Variants in BMP2K observed in about 807,000 individuals in gnomAD.
BMP2K encodes BMP-2-inducible protein kinase.
A neutral mutation model predicts 116.0 loss-of-function variants in BMP2K; 74 were observed. The ratio of observed to expected loss-of-function variants is 0.64; its 90% CI spans 0.53 to 0.77. The LOEUF is 0.77. BMP2K is among the 30% of genes least tolerant of loss of function. The pLI, the probability that BMP2K is intolerant of heterozygous loss-of-function variation, is 0.00. For missense variants in BMP2K, 1,365 were observed against 1,403.6 expected (o/e 0.97, Z 0.44); for synonymous variants, 486 against 502.5 (o/e 0.97, Z 0.44).
At chr4:78,779,287 T>A (rs1372041895) in intron 1 of BMP2K, among the ~76,000 whole-genome samples, 3 of 152,208 alleles carry the variant, frequency 2.0e-5, no homozygotes, top group African/African-American at 7.2e-5. Context: ...ATTTGGTTGA[T>A]TTATTAACAT....
chr4:78,808,021 C>T (rs1578484025), intron 1 of BMP2K, among the ~76,000 whole-genome samples: 2 of 151,424 alleles, frequency 1.3e-5, no homozygotes, highest in South Asian at 4.2e-4. Context: ...CTTTCTTCTT[C>T]TTTGGGAATA....
chr4:78,896,427 C>T (rs1733704760), intron 15 of BMP2K, among the ~76,000 whole-genome samples: 1 of 151,858 alleles, frequency 6.6e-6, no homozygotes, highest in Non-Finnish European at 1.5e-5. Context: ...AGCATTTGAC[C>T]CAGGCAAATC....
intron 14 of BMP2K, among the ~76,000 whole-genome samples, chr4:78,882,362 T>C (rs2110070037): frequency 6.6e-6 from 1 of 151,794 alleles, no homozygotes; most frequent in African/African-American, 2.4e-5. Context: ...CAGAATTGTT[T>C]TACCTGTTCT....
intron 1 of BMP2K, among the ~76,000 whole-genome samples, chr4:78,781,093 A>G (rs1303296662): frequency 6.6e-6 from 1 of 152,192 alleles, no homozygotes; most frequent in Non-Finnish European, 1.5e-5. Flanking sequence ...ATCACATGTA[A>G]GAGAGATCCA....
At position 78,911,038 on chromosome 4, in the gene BMP2K, G is replaced by T; in HGVS notation, c.2491G>T (p.Asp831Tyr). The T allele has an allele frequency of 6.2e-7, 1 of 1,613,814 alleles. No homozygotes were observed. Among genetic ancestry groups the T allele is most frequent in the Non-Finnish European group, 8.5e-7 (1 of 1,179,862 alleles). ...CAGATCTGGCAGTGGACCAACCCAA[G>T]ATCTTAATACAATACTCCTCACCTC... ...RDRSGSGPTQDLNTILLTSAQ... is the reference protein window; with the variant it reads ...RDRSGSGPTQYLNTILLTSAQ... Residue 831 changes from aspartate (D) to tyrosine (Y), a missense_variant, in exon 16 of 16, where the codon GAT becomes TAT. Around this residue, in one of 3 missense-constraint regions of BMP2K, gnomAD observed 596 missense variants for 623.2 expected, o/e 0.96. Coordinates refer to ENST00000502613, the MANE Select transcript of BMP2K (RefSeq NM_198892.2).
chr4:78,912,509 G>C lies in BMP2K; in HGVS notation c.*476G>C, dbSNP rs895579201. On this transcript the variant is annotated 3_prime_UTR_variant, in exon 16 of 16. Coordinates refer to ENST00000502613, the MANE Select transcript of BMP2K (RefSeq NM_198892.2). ...TTAAAAACAATCTAGTTATCTTAAA[G>C]CATTAGAAAGTTATTATCTGGAGAG... 11 of 153,922 alleles carry C rather than the reference G, an allele frequency of 7.1e-5. No homozygotes were observed. The highest frequency in any genetic ancestry group is 2.7e-4 in the African/African-American group (11 of 41,400). 9.5% of individuals were successfully genotyped at this position (153,922 alleles called of 1,614,324 possible). A position where few individuals can be genotyped will look rare whatever the true frequency, so the allele number is the denominator to read the frequency against.
rs118112564 is a variant in BMP2K, at chr4:78,806,393, G to A, written c.179-19644G>A. ...GAGTCTTGCTATGTTGTGCAGGCTG[G>A]CCTTGAACTCCTGGCTTCAAGCAGT... On this transcript the variant is annotated intron_variant, in intron 1 of 15. Coordinates refer to ENST00000502613, the MANE Select transcript of BMP2K (RefSeq NM_198892.2). 1.5e-4 allele frequency among the ~76,000 whole-genome samples: 23 copies of A among 152,120 alleles called. 1 individual carries two copies. In the East Asian group the frequency reaches 4.3e-3, roughly 28 times the overall value.
At chr4:78,788,176 G>T (rs1254642341) in intron 1 of BMP2K, among the ~76,000 whole-genome samples, 1 of 151,488 alleles carries the variant, frequency 6.6e-6, no homozygotes, top group Non-Finnish European at 1.5e-5. Flanking sequence ...GAATGTTAAT[G>T]GTCTATTTTT....
At chr4:78,823,919 T>A (rs1196297757) in intron 1 of BMP2K, among the ~76,000 whole-genome samples, 1 of 152,168 alleles carries the variant, frequency 6.6e-6, no homozygotes, top group African/African-American at 2.4e-5. Context: ...ACATTTTCCT[T>A]AGTTTTTGTA....
rs140521261 is a variant in BMP2K at position 78,882,568 on chromosome 4, A to C, written c.1951+3677A>C. Among the ~76,000 whole-genome samples the C allele has an allele frequency of 4.0e-3, 614 of 151,982 alleles. 4 individuals are homozygous for C. The highest frequency in any genetic ancestry group is 6.1e-3 in the Non-Finnish European group (412 of 67,802). On this transcript the variant is annotated intron_variant, in intron 14 of 15. Coordinates refer to ENST00000502613, the MANE Select transcript of BMP2K (RefSeq NM_198892.2). Reference sequence around the variant, plus strand: ...AATATGACAATTTAAAATTGCCATAATATTTAATACTTTAAACAGTAATTA... The same window carrying C: ...AATATGACAATTTAAAATTGCCATACTATTTAATACTTTAAACAGTAATTA...
chr4:78,881,966 T>G (rs141354272), intron 14 of BMP2K, among the ~76,000 whole-genome samples: 44 of 152,166 alleles, frequency 2.9e-4, no homozygotes, highest in African/African-American at 1.0e-3. Context: ...TAAAATAATT[T>G]ATATTTGGTT....
chr4:78,837,834 G>C (rs1730563652), intron 3 of BMP2K, among the ~76,000 whole-genome samples: 1 of 152,046 alleles, frequency 6.6e-6, no homozygotes, highest in Non-Finnish European at 1.5e-5. Context: ...GTAGAAACAG[G>C]GTCTCACTTT....
chr4:78,911,582 A>T lies in BMP2K; in HGVS notation c.3035A>T (p.Tyr1012Phe), dbSNP rs1381211703. The T allele has an allele frequency of 6.2e-7, 1 of 1,613,908 alleles. No homozygotes were observed. Among genetic ancestry groups the T allele is most frequent in the Non-Finnish European group, 8.5e-7 (1 of 1,179,890 alleles). ...ACAAAGAAGACTTTGAAGCCTACCTATCGCACTCCAGAGAGGGCTCGCAGG... is the reference window on the plus strand; with the variant it reads ...ACAAAGAAGACTTTGAAGCCTACCTTTCGCACTCCAGAGAGGGCTCGCAGG... ...TSTKKTLKPTYRTPERARRHK... is the reference protein window; with the variant it reads ...TSTKKTLKPTFRTPERARRHK... Residue 1012 changes from tyrosine (Y) to phenylalanine (F), a missense_variant, in exon 16 of 16, where the codon TAT (tyrosine) becomes TTT (phenylalanine). By Grantham distance (22) the Tyr-to-Phe change is conservative. This residue lies in a region of BMP2K where 596 missense variants were observed against 623.2 expected (regional missense o/e 0.96). Coordinates refer to ENST00000502613, the MANE Select transcript of BMP2K (RefSeq NM_198892.2).
intron 1 of BMP2K, among the ~76,000 whole-genome samples, chr4:78,794,751 C>T (rs1014019511): frequency 1.3e-5 from 2 of 152,064 alleles, no homozygotes; most frequent in African/African-American, 2.4e-5. Flanking sequence ...TTTATAAAGA[C>T]GAGGTCTCAC....
rs1345464654 is a variant in BMP2K, at chr4:78,913,187, A to C, written c.*1154A>C. On this transcript the variant is annotated 3_prime_UTR_variant, in exon 16 of 16. Transcript: ENST00000502613. ...GTGCACAGAATGGTGACACCCACAA[A>C]GCCTTATATAAAGGCAGGATTCATG... 5.3e-5 allele frequency: 8 copies of C among 152,122 alleles called. No individual in the cohort carries two copies. 9.4% of individuals were successfully genotyped at this position (152,122 alleles called of 1,614,324 possible).
intron 1 of BMP2K, among the ~76,000 whole-genome samples, chr4:78,780,218 T>C (rs1223745430): frequency 1.3e-5 from 2 of 152,160 alleles, no homozygotes; most frequent in African/African-American, 4.8e-5. Context: ...AAAATGGACC[T>C]AAAATGGGGT....
At chr4:78,874,479 A>G (rs1047751437) in intron 13 of BMP2K, among the ~76,000 whole-genome samples, 2 of 152,194 alleles carry the variant, frequency 1.3e-5, no homozygotes, top group Non-Finnish European at 2.9e-5. Flanking sequence ...ATAATTGCTT[A>G]AAGATACTGA....
At chr4:78,856,456 G>A (rs1294219327) in intron 7 of BMP2K, among the ~76,000 whole-genome samples, 1 of 152,062 alleles carries the variant, frequency 6.6e-6, no homozygotes, top group African/African-American at 2.4e-5. Context: ...CCATTCTCTT[G>A]AAGAGTTCAG....
At chr4:78,861,522 G>A in intron 9 of BMP2K, 54 bp downstream of exon 9, 1 of 1,387,346 alleles carries the variant, frequency 7.2e-7, no homozygotes, top group South Asian at 1.2e-5. Flanking sequence ...GATAGGTCTT[G>A]TTTTTAATCC....
Sources: allele counts gnomAD v4.1 joint callset (sites outside exome capture counted in the v4.1 genomes callset), GRCh38; gene constraint gnomAD v4.1.1; regional missense constraint gnomAD v4.1.1; transcripts MANE v1.5; gene names NCBI Gene and HGNC (gene_info 2026-07-23, HGNC 2026-07-21).